The following TULP4 variants were observed in gnomAD, a reference collection of about 807,000 sequenced individuals.
TULP4 encodes the protein TUB like protein 4, also known as tubby-related protein 4.
A neutral mutation model predicts 129.0 loss-of-function variants in TULP4; 16 were observed. The ratio of observed to expected loss-of-function variants is 0.12; its 90% CI spans 0.08 to 0.19. TULP4 has a LOEUF of 0.19. TULP4 is among the 10% of genes least tolerant of loss of function. The pLI, the probability that TULP4 is intolerant of heterozygous loss-of-function variation, is 1.00. For synonymous variants in TULP4, 998 were observed against 854.0 expected (o/e 1.17, Z -2.94); for missense variants, 1,842 against 2,059.1 (o/e 0.89, Z 2.04).
Position 158,293,768 on chromosome 6 carries a change from G to A in TULP4, n.116+11390G>A, listed in dbSNP as rs116930731. On this transcript the variant is annotated intron_variant and non_coding_transcript_variant, in intron 1 of 1. Transcript: ENST00000432358. ...CATACATTATTTATCTCACTAGCAC[G>A]TTTTGAGAATTAGAGGTAGAAAATG... 6.2e-3 allele frequency among the ~76,000 whole-genome samples: 949 copies of A among 152,312 alleles called. 9 individuals carry two copies. Among genetic ancestry groups the A allele is most frequent in the Middle Eastern group, 6.8e-3 (2 of 294 alleles).
chr6:158,300,268 G>C (rs773972469), intron 1 of TULP4, among the ~76,000 whole-genome samples: 3 of 152,200 alleles, frequency 2.0e-5, no homozygotes, highest in Admixed American at 1.3e-4. Flanking sequence ...CAGCTTCCCA[G>C]GTATTGGTCT....
intron 1 of TULP4, among the ~76,000 whole-genome samples, chr6:158,296,885 C>T (rs1174263439): frequency 2.0e-5 from 3 of 152,178 alleles, no homozygotes; most frequent in African/African-American, 7.2e-5. Context: ...AGATCACATG[C>T]TTCTGAGGAA....
chr6:158,310,154 T>G (rs998296631), upstream of TULP4, among the ~76,000 whole-genome samples: 2 of 152,084 alleles, frequency 1.3e-5, no homozygotes, highest in African/African-American at 4.8e-5. Context: ...TAAAGAAAAT[T>G]GTTTTAATTG....
intron 1 of TULP4, among the ~76,000 whole-genome samples, chr6:158,296,341 G>C (rs1779031774): frequency 6.6e-6 from 1 of 151,922 alleles, no homozygotes; most frequent in African/African-American, 2.4e-5. Context: ...GGCCAGCTGA[G>C]AAATAAAGAG....
chr6:158,484,731 C>G (rs1388141360), intron 8 of TULP4, among the ~76,000 whole-genome samples: 1 of 152,220 alleles, frequency 6.6e-6, no homozygotes, highest in African/African-American at 2.4e-5. Context: ...AAAGCCTTCA[C>G]CAGGAAGCAG....
intron 1 of TULP4, among the ~76,000 whole-genome samples, chr6:158,342,609 C>T (rs1032716652): frequency 1.3e-5 from 2 of 152,122 alleles, no homozygotes; most frequent in South Asian, 2.1e-4. Flanking sequence ...GTATTTGATA[C>T]TTTAAATACA....
At chr6:158,395,660 G>T (rs1777694852) in intron 1 of TULP4, among the ~76,000 whole-genome samples, 1 of 54,126 alleles carries the variant, frequency 1.8e-5, no homozygotes, top group Non-Finnish European at 4.2e-5. Context: ...CTGAGGTAAA[G>T]TGATGGGCGG....
chr6:158,409,934 C>G (rs1342452159), intron 1 of TULP4, among the ~76,000 whole-genome samples: 2 of 152,106 alleles, frequency 1.3e-5, no homozygotes, highest in Non-Finnish European at 2.9e-5. Flanking sequence ...CGGCTCACTG[C>G]AAGCTCCGCC....
In TULP4 at chr6:158,313,912, G is replaced by A. The variant is rs1402213206; in HGVS notation, c.-105G>A. 5.8e-6 allele frequency: 8 copies of A among 1,368,102 alleles called. No individual in the cohort carries two copies. In the East Asian group the frequency reaches 1.9e-4, roughly 33 times the overall value. The allele number at this position is 1,368,102 out of a possible 1,614,324, so 84.7% of individuals were successfully genotyped here. ...CAGTCTTAATTAAAGGGGGAAAAAA[G>A]CAACGCAAGCCAACCACAAAAACAC... On this transcript the variant is annotated 5_prime_UTR_variant, in exon 1 of 14. Coordinates refer to ENST00000367097, the MANE Select transcript of TULP4 (RefSeq NM_020245.5).
At chr6:158,435,818 C>G (rs372502834) in intron 3 of TULP4, among the ~76,000 whole-genome samples, 2 of 152,144 alleles carry the variant, frequency 1.3e-5, no homozygotes, top group South Asian at 2.1e-4. Flanking sequence ...CTCCTCCCTC[C>G]GGTCCCTCAT....
chr6:158,390,528 G>T (rs1017366503), intron 1 of TULP4, among the ~76,000 whole-genome samples: 1 of 152,168 alleles, frequency 6.6e-6, no homozygotes, highest in Non-Finnish European at 1.5e-5. Context: ...GTAACTAGAA[G>T]TATTTTCAGA....
intron 1 of TULP4, among the ~76,000 whole-genome samples, chr6:158,255,318 G>A (rs1458351228): frequency 1.3e-5 from 2 of 152,136 alleles, no homozygotes; most frequent in Admixed American, 6.5e-5. Flanking sequence ...TTCTTTCTAA[G>A]TAGAATTGGA....
At chr6:158,279,539 T>A (rs1455025425), upstream of TULP4, among the ~76,000 whole-genome samples, 1 of 152,216 alleles carries the variant, frequency 6.6e-6, no homozygotes. Flanking sequence ...TATGTACATT[T>A]ATGAGGAAAA....
chr6:158,460,670 C>T (rs1320465204), intron 5 of TULP4, among the ~76,000 whole-genome samples: 1 of 152,144 alleles, frequency 6.6e-6, no homozygotes, highest in Non-Finnish European at 1.5e-5. Flanking sequence ...TTCTAAGCCC[C>T]ACAACATCAT....
chr6:158,245,850 G>T (rs1331757926), intron 1 of TULP4, among the ~76,000 whole-genome samples: 1 of 152,166 alleles, frequency 6.6e-6, no homozygotes, highest in Non-Finnish European at 1.5e-5. Context: ...GAACAACTAG[G>T]CTTTGAAGGC....
At chr6:158,340,274 T>A (rs1435917821) in intron 1 of TULP4, among the ~76,000 whole-genome samples, 1 of 152,216 alleles carries the variant, frequency 6.6e-6, no homozygotes, top group Admixed American at 6.5e-5. Context: ...GAAATAGTAG[T>A]ATAGACATGC....
intron 6 of TULP4, among the ~76,000 whole-genome samples, chr6:158,475,168 A>G (rs1028161792): frequency 6.6e-6 from 1 of 152,258 alleles, no homozygotes; most frequent in African/African-American, 2.4e-5. Flanking sequence ...GTGGGAGGTG[A>G]GGCAGGGCTG....
intron 2 of TULP4, among the ~76,000 whole-genome samples, chr6:158,417,102 G>A (rs1449181407): frequency 2.0e-5 from 3 of 152,070 alleles, no homozygotes; most frequent in Non-Finnish European, 2.9e-5. Flanking sequence ...ATTGTTAATC[G>A]ACATGACTGT....
At chr6:158,422,058 A>G (rs1345882834) in intron 2 of TULP4, among the ~76,000 whole-genome samples, 1 of 152,234 alleles carries the variant, frequency 6.6e-6, no homozygotes, top group Admixed American at 6.5e-5. Flanking sequence ...ATAGGTATTT[A>G]TCTTAAAATA....
Sources: gnomAD v4.1 joint callset for allele counts (sites outside exome capture counted in the v4.1 genomes callset) on GRCh38, gnomAD v4.1.1 for gene constraint, MANE v1.5 for transcripts, NCBI Gene and HGNC (gene_info 2026-07-23, HGNC 2026-07-21) for gene names.